ACACB: variants seen among roughly 807,000 people sequenced by gnomAD.
The protein encoded by ACACB is acetyl-CoA carboxylase beta.
Under a neutral mutation model 278.8 loss-of-function variants are expected in ACACB, and 209 were observed. The ratio of observed to expected loss-of-function variants is 0.75; its 90% CI spans 0.67 to 0.84. ACACB has a LOEUF of 0.84. ACACB is among the 40% of genes least tolerant of loss of function. The pLI is 0.00. For synonymous variants in ACACB, 1,174 were observed against 1,285.6 expected (o/e 0.91, Z 1.86); for missense variants, 2,850 against 3,269.0 (o/e 0.87, Z 3.13).
chr12:109,227,957 C>G (rs921575118), intron 28 of ACACB, among the ~76,000 whole-genome samples: 2 of 150,294 alleles, frequency 1.3e-5, no homozygotes, highest in African/African-American at 4.9e-5. Context: ...CACTTGAACC[C>G]GGGAGGCAGA....
intron 2 of ACACB, among the ~76,000 whole-genome samples, chr12:109,160,338 C>G (rs138058323): frequency 1.3e-3 from 195 of 152,278 alleles, no homozygotes; most frequent in African/African-American, 4.2e-3. Context: ...ATGGTCCTCT[C>G]TGAACCTCGG....
rs1347683524 is a variant in ACACB at position 109,239,829 on chromosome 12, G to A, written c.4663-1G>A. ...CAGCTGCCCCTCCCACTCTTTGGCA[G>A]GAAGCCTCCTTCGAATACCTGCAGA... On this transcript the variant is annotated splice_acceptor_variant, in intron 34 of 52. Transcript: ENST00000338432. LOFTEE classifies it high-confidence loss of function. The A allele has an allele frequency of 2.5e-6, 4 of 1,610,208 alleles. No homozygotes were observed. The highest frequency in any genetic ancestry group is 3.4e-6 in the Non-Finnish European group (4 of 1,178,010).
In ACACB at chr12:109,265,201, A is replaced by AG; in HGVS notation, c.7036dup (p.Ala2346GlyfsTer56). On this transcript the variant is annotated frameshift_variant, in exon 51 of 53. Transcript: ENST00000338432. LOFTEE classifies it high-confidence loss of function. ...GACCAGGTCAAGCAGGAGATCCTGC[A>AG]GGCCAGCGGGGAGCTGAGTCACGTG... 6.2e-7 allele frequency: 1 copy of AG among 1,613,806 alleles called. No individual in the cohort carries two copies.
At chr12:109,151,676 TTG>T (rs1338704664) in intron 2 of ACACB, among the ~76,000 whole-genome samples, 2 of 152,160 alleles carry the variant, frequency 1.3e-5, no homozygotes, top group Admixed American at 1.3e-4. Flanking sequence ...CTTGTTGATT[TTG>T]TGTGTGTATT....
At chr12:109,227,024 C>T (rs2046332336) in intron 27 of ACACB, among the ~76,000 whole-genome samples, 1 of 151,918 alleles carries the variant, frequency 6.6e-6, no homozygotes, top group East Asian at 1.9e-4. Context: ...TATCATAGCT[C>T]ATTGCAGCCT....
At position 109,144,758 on chromosome 12, in the gene ACACB, T is replaced by C. The variant is rs952577587; in HGVS notation, c.653+4700T>C. On this transcript the variant is annotated intron_variant, in intron 2 of 52. Transcript: ENST00000338432. ...TTTCTTTTTCTTTCTTTCTTTCTTTTTTTTTTTTTTTTTTGAGACAGAGTC... is the reference window on the plus strand; with the variant it reads ...TTTCTTTTTCTTTCTTTCTTTCTTTCTTTTTTTTTTTTTTGAGACAGAGTC... Among the ~76,000 whole-genome samples the C allele has an allele frequency of 1.3e-4, 17 of 127,338 alleles. 1 individual carries two copies. In the East Asian group the frequency reaches 2.3e-3, roughly 17 times the overall value. 83.5% of individuals were successfully genotyped at this position (127,338 alleles called of 152,430 possible).
intron 44 of ACACB, 68 bp from the exon 45 acceptor site, chr12:109,256,072 C>A: frequency 7.8e-7 from 1 of 1,279,928 alleles, no homozygotes; most frequent in Non-Finnish European, 1.1e-6. Flanking sequence ...TTTTGCACAG[C>A]CAGGAGTGTC....
At chr12:109,234,975 C>T (rs1046468457) in intron 31 of ACACB, among the ~76,000 whole-genome samples, 1 of 151,856 alleles carries the variant, frequency 6.6e-6, no homozygotes, top group African/African-American at 2.4e-5. Context: ...AGTATATTCA[C>T]CAGGTTGTAC....
chr12:109,225,950 T>G (rs1472131444), intron 27 of ACACB, among the ~76,000 whole-genome samples: 2 of 152,136 alleles, frequency 1.3e-5, no homozygotes, highest in Non-Finnish European at 2.9e-5. Flanking sequence ...TTTTTTATCT[T>G]TTTTCTAAGT....
At position 109,167,935 on chromosome 12, in the gene ACACB, A is replaced by C. The variant is rs1164093227; in HGVS notation, c.826A>C (p.Met276Leu). 6.2e-7 allele frequency: 1 copy of C among 1,613,914 alleles called. No homozygotes were observed. The highest frequency in any genetic ancestry group is 1.7e-5 in the Admixed American group (1 of 59,990). Residue 276 changes from methionine (M) to leucine (L), a missense_variant, in exon 4 of 53, where the codon ATG becomes CTG. Physicochemically the swap from Met to Leu is conservative, Grantham distance 15. Around this residue, in one of 3 missense-constraint regions of ACACB, gnomAD observed 2,265 missense variants for 2,561.3 expected, o/e 0.88. Coordinates refer to ENST00000338432, the MANE Select transcript of ACACB (RefSeq NM_001093.4). ...CAACGGGATTGCCGCCGTGAAGTGC[A>C]TGCGCTCCATCCGCAGGTGGGCCTA... ...ANNGIAAVKC[M>L]RSIRRWAYEM...
At chr12:109,233,412 G>A (rs1011045423) in intron 29 of ACACB, among the ~76,000 whole-genome samples, 1 of 152,138 alleles carries the variant, frequency 6.6e-6, no homozygotes, top group African/African-American at 2.4e-5. Context: ...TTGACTCGGG[G>A]TGAGGTGAGG....
chr12:109,249,147 T>C (rs1450665328), intron 40 of ACACB: 2 of 152,206 alleles, frequency 1.3e-5, no homozygotes, highest in Non-Finnish European at 2.9e-5. Flanking sequence ...TGTACCTTTC[T>C]TCAAAGATGA....
chr12:109,122,280 C>T (rs1017468706), intron 1 of ACACB, among the ~76,000 whole-genome samples: 2 of 152,220 alleles, frequency 1.3e-5, no homozygotes, highest in African/African-American at 2.4e-5. Context: ...TCCCCTGCTA[C>T]TGGTCTCACA....
intron 40 of ACACB, among the ~76,000 whole-genome samples, chr12:109,248,156 G>C (rs1442421490): frequency 6.6e-6 from 1 of 152,098 alleles, no homozygotes; most frequent in Non-Finnish European, 1.5e-5. Flanking sequence ...TGGGTTTTTT[G>C]CAATGTTAGT....
intron 36 of ACACB, 134 bp downstream of exon 36, chr12:109,241,415 C>G: frequency 1.2e-6 from 1 of 853,456 alleles, no homozygotes; most frequent in Non-Finnish European, 1.9e-6. Context: ...TTGGGGTAGC[C>G]CCCTCTGAGT....
At chr12:109,211,340 CTCTT>C (rs1303891216) in intron 21 of ACACB, among the ~76,000 whole-genome samples, 1 of 145,528 alleles carries the variant, frequency 6.9e-6, no homozygotes, top group Non-Finnish European at 1.5e-5. Context: ...TATGTGATTC[CTCTT>C]TTTTTTTTTT....
chr12:109,143,151 A>G (rs1194046989), intron 2 of ACACB, among the ~76,000 whole-genome samples: 4 of 151,886 alleles, frequency 2.6e-5, no homozygotes, highest in African/African-American at 9.7e-5. Context: ...TGAGTCTCCA[A>G]TTTATCATCT....
At chr12:109,156,562 G>A (rs2043542867) in intron 2 of ACACB, among the ~76,000 whole-genome samples, 1 of 149,114 alleles carries the variant, frequency 6.7e-6, no homozygotes, top group Admixed American at 6.8e-5. Flanking sequence ...CCTATAAGTA[G>A]CGGATATTCA....
intron 2 of ACACB, among the ~76,000 whole-genome samples, chr12:109,165,210 G>A (rs1379078890): frequency 6.6e-6 from 1 of 152,114 alleles, no homozygotes; most frequent in African/African-American, 2.4e-5. Flanking sequence ...GAAAGGCAAA[G>A]GGAATTCTAG....
Sources: allele counts gnomAD v4.1 joint callset (sites outside exome capture counted in the v4.1 genomes callset), GRCh38; gene constraint gnomAD v4.1.1; regional missense constraint gnomAD v4.1.1; transcripts MANE v1.5; gene names NCBI Gene and HGNC (gene_info 2026-07-23, HGNC 2026-07-21).